DEPTOR: variants seen among roughly 807,000 people sequenced by gnomAD.
DEPTOR encodes DEP domain containing MTOR interacting protein.
Under a neutral mutation model 41.6 loss-of-function variants are expected in DEPTOR, and 41 were observed. That is an observed-to-expected ratio of 0.98 (90% CI 0.77 to 1.28). The LOEUF (loss-of-function observed/expected upper bound fraction) is 1.28, where lower values mean the gene tolerates loss of function less well. Among genes scored for constraint, DEPTOR ranks in the 50% most tolerant of loss-of-function variants. The pLI, the probability that DEPTOR is intolerant of heterozygous loss-of-function variation, is 0.00. For synonymous variants in DEPTOR, 195 were observed against 192.3 expected, an observed-to-expected ratio of 1.01 and a Z score of -0.12; for missense variants, 514 against 527.9, an observed-to-expected ratio of 0.97 and a Z score of 0.26.
In DEPTOR at chr8:120,001,666, G is replaced by A; in HGVS notation, c.746G>A (p.Arg249Lys). The A allele has an allele frequency of 6.2e-7, 1 of 1,613,964 alleles. No individual in the cohort carries two copies. The highest frequency in any genetic ancestry group is 8.5e-7 in the Non-Finnish European group (1 of 1,179,950). Reference sequence around the variant, plus strand: ...ACTCATGACAGTCCCTTCTGCCTGAGGAAGCAGAGCCATGACAATCGGAAA... The same window carrying A: ...ACTCATGACAGTCCCTTCTGCCTGAAGAAGCAGAGCCATGACAATCGGAAA... ...QETHDSPFCL[R>K]KQSHDNRKST... Residue 249 changes from arginine (R) to lysine (K), a missense_variant, in exon 5 of 9, where the codon AGG becomes AAG. Transcript: ENST00000286234.
chr8:120,014,709 G>T (rs1456130547), intron 8 of DEPTOR, among the ~76,000 whole-genome samples: 1 of 151,834 alleles, frequency 6.6e-6, no homozygotes, highest in Non-Finnish European at 1.5e-5. Flanking sequence ...TTTTAGTAGA[G>T]ACAGGGTTTC....
intron 5 of DEPTOR, among the ~76,000 whole-genome samples, 188 bp from the exon 6 acceptor site, chr8:120,002,789 A>ATATATAT (rs1200601284): frequency 2.4e-4 from 14 of 59,244 alleles, no homozygotes; most frequent in African/African-American, 9.7e-4. Context: ...AAAAAAAAAA[A>ATATATAT]AAATATATAT....
rs1828721428 is a variant in DEPTOR, at chr8:119,978,273, CTTATCTGGTCATT to C, written c.604+12865_604+12877del. On this transcript the variant is annotated intron_variant, in intron 4 of 8. Coordinates refer to ENST00000286234, the MANE Select transcript of DEPTOR (RefSeq NM_022783.4). Reference sequence around the variant, plus strand: ...GCTCCTACTGAGTGCTCAGCTTGGCCTTATCTGGTCATTTAAATCCTCAGCAGGGTTTAAGTGG... The same window carrying C: ...GCTCCTACTGAGTGCTCAGCTTGGCCTAAATCCTCAGCAGGGTTTAAGTGG... 3.9e-5 allele frequency among the ~76,000 whole-genome samples: 6 copies of C among 152,266 alleles called. No individual in the cohort carries two copies. The South Asian group carries it at 1.2e-3, about 32-fold the overall frequency.
At chr8:120,016,871 C>T (rs116528725) in intron 8 of DEPTOR, among the ~76,000 whole-genome samples, 3 of 152,194 alleles carry the variant, frequency 2.0e-5, no homozygotes, top group Non-Finnish European at 2.9e-5. Flanking sequence ...ACCAAAATCT[C>T]CATAAAGTTG....
At chr8:119,976,951 A>T (rs1828703000) in intron 4 of DEPTOR, among the ~76,000 whole-genome samples, 1 of 152,212 alleles carries the variant, frequency 6.6e-6, no homozygotes, top group Admixed American at 6.5e-5. Flanking sequence ...TAACTCATTT[A>T]ATCTTCACAA....
intron 1 of DEPTOR, among the ~76,000 whole-genome samples, chr8:119,882,526 C>G (rs1202126638): frequency 1.3e-5 from 2 of 151,930 alleles, no homozygotes; most frequent in East Asian, 3.8e-4. Context: ...TCCCAAGTAT[C>G]TGAGACTCAA....
At chr8:119,954,205 G>A (rs983728587) in intron 3 of DEPTOR, among the ~76,000 whole-genome samples, 6 of 151,476 alleles carry the variant, frequency 4.0e-5, no homozygotes, top group Non-Finnish European at 7.4e-5. Flanking sequence ...GCACAGTGGT[G>A]CAATCACAGC....
chr8:120,047,326 GTC>G (rs888636774), intron 8 of DEPTOR, among the ~76,000 whole-genome samples: 5 of 151,454 alleles, frequency 3.3e-5, no homozygotes, highest in Non-Finnish European at 7.4e-5. Context: ...CCAGCCCAGA[GTC>G]TGGATTTTTA....
At chr8:119,967,649 G>T (rs1358182683) in intron 4 of DEPTOR, among the ~76,000 whole-genome samples, 2 of 150,922 alleles carry the variant, frequency 1.3e-5, no homozygotes, top group Middle Eastern at 3.2e-3. Context: ...AGCTACTCAG[G>T]AGGCTGAGGC....
chr8:119,941,649 C>T (rs145814163), intron 3 of DEPTOR, among the ~76,000 whole-genome samples: 34 of 152,188 alleles, frequency 2.2e-4, no homozygotes, highest in East Asian at 1.5e-3. Context: ...AAACCCAGGG[C>T]GAGTAGCCCT....
intron 1 of DEPTOR, among the ~76,000 whole-genome samples, chr8:119,901,076 C>G (rs986842171): frequency 6.6e-6 from 1 of 152,170 alleles, no homozygotes; most frequent in Non-Finnish European, 1.5e-5. Context: ...AATTGAATCT[C>G]TCTGTGCTTT....
intron 1 of DEPTOR, among the ~76,000 whole-genome samples, chr8:119,901,377 G>A (rs895651105): frequency 6.6e-6 from 1 of 152,036 alleles, no homozygotes; most frequent in South Asian, 2.1e-4. Context: ...GATGCTGTTA[G>A]AAAGATATGA....
At chr8:119,942,861 C>T (rs1249577226) in intron 3 of DEPTOR, among the ~76,000 whole-genome samples, 1 of 152,076 alleles carries the variant, frequency 6.6e-6, no homozygotes, top group Non-Finnish European at 1.5e-5. Context: ...TGATAAAATC[C>T]AGTGGAGTTT....
chr8:120,022,204 T>G (rs1222751525), intron 8 of DEPTOR, among the ~76,000 whole-genome samples: 1 of 150,974 alleles, frequency 6.6e-6, no homozygotes, highest in African/African-American at 2.4e-5. Context: ...AGATACGCTT[T>G]GATTTCAGAG....
intron 3 of DEPTOR, among the ~76,000 whole-genome samples, chr8:119,955,562 G>C (rs539745853): frequency 6.6e-6 from 1 of 151,858 alleles, no homozygotes; most frequent in African/African-American, 2.4e-5. Context: ...TCCCTCCTGA[G>C]TTCAAGCGAT....
chr8:119,988,307 C>G (rs1360567420), intron 4 of DEPTOR, among the ~76,000 whole-genome samples: 1 of 152,104 alleles, frequency 6.6e-6, no homozygotes, highest in African/African-American at 2.4e-5. Flanking sequence ...GGCAATGTCC[C>G]ACTCTGCTTC....
At chr8:119,971,457 A>G (rs1828633170) in intron 4 of DEPTOR, among the ~76,000 whole-genome samples, 1 of 152,144 alleles carries the variant, frequency 6.6e-6, no homozygotes, top group South Asian at 2.1e-4. Flanking sequence ...AAGAATATAC[A>G]AGGGCCTGCT....
chr8:119,948,746 C>T (rs1404736681), intron 3 of DEPTOR, among the ~76,000 whole-genome samples: 1 of 151,912 alleles, frequency 6.6e-6, no homozygotes, highest in African/African-American at 2.4e-5. Context: ...CATTAATCTA[C>T]TTTCTGTCTC....
At chr8:119,967,731 G>C (rs1828581264) in intron 4 of DEPTOR, among the ~76,000 whole-genome samples, 2 of 148,160 alleles carry the variant, frequency 1.3e-5, no homozygotes, top group Admixed American at 6.8e-5. Flanking sequence ...TCCAACCTGG[G>C]TGGCAGAGCA....
Sources: allele counts gnomAD v4.1 joint callset (sites outside exome capture counted in the v4.1 genomes callset), GRCh38; gene constraint gnomAD v4.1.1; transcripts MANE v1.5; gene names NCBI Gene and HGNC (gene_info 2026-07-23, HGNC 2026-07-21).